The following CACNA1D variants were observed in gnomAD, a reference collection of about 807,000 sequenced individuals.
The protein encoded by CACNA1D is calcium voltage-gated channel subunit alpha1 D.
CACNA1D carries 55 observed loss-of-function variants against 257.1 expected under a neutral mutation model. The observed-to-expected ratio is 0.21, with a 90% CI of 0.17 to 0.27. The LOEUF (loss-of-function observed/expected upper bound fraction) is 0.27. Ranked by LOEUF, CACNA1D falls within the 10% of genes least tolerant of loss-of-function variation. CACNA1D has a pLI of 1.00. For synonymous variants in CACNA1D, 980 were observed against 1,014.9 expected, an observed-to-expected ratio of 0.97 and a Z score of 0.65; for missense variants, 1,876 against 2,784.0, an observed-to-expected ratio of 0.67 and a Z score of 7.34.
chr3:53,796,296 G>T (rs558174487), intron 40 of CACNA1D: 6 of 455,658 alleles, frequency 1.3e-5, no homozygotes, highest in Non-Finnish European at 2.2e-5. Flanking sequence ...TGCCAGGCAG[G>T]GTTCTTTGGC....
intron 3 of CACNA1D, among the ~76,000 whole-genome samples, chr3:53,647,831 G>T (rs958779621): frequency 1.3e-5 from 2 of 152,176 alleles, no homozygotes; most frequent in African/African-American, 4.8e-5. Flanking sequence ...GGCTGTGATT[G>T]TTCAGTTGGC....
chr3:53,636,607 C>A (rs527673385), intron 3 of CACNA1D, among the ~76,000 whole-genome samples: 4 of 152,136 alleles, frequency 2.6e-5, no homozygotes, highest in Non-Finnish European at 5.9e-5. Flanking sequence ...TGCGCCTGGC[C>A]GAAAACTATA....
rs116564435 is a variant in CACNA1D, at chr3:53,743,298, T to G, written c.2918+181T>G. On this transcript the variant is annotated intron_variant, in intron 22 of 47. Transcript: ENST00000350061. Reference sequence around the variant, plus strand: ...TTCATGTTTTCTTGTGTGTGTGTGTTTTTTTCTTTTTGTGCCTGCTGCTAA... The same window carrying G: ...TTCATGTTTTCTTGTGTGTGTGTGTGTTTTTCTTTTTGTGCCTGCTGCTAA... 5.0e-3 allele frequency among the ~76,000 whole-genome samples: 769 copies of G among 152,356 alleles called. 3 individuals carry two copies. Among genetic ancestry groups the G allele is most frequent in the Non-Finnish European group, 8.4e-3 (571 of 68,036 alleles).
At chr3:53,792,896 A>G (rs538283535) in intron 40 of CACNA1D, among the ~76,000 whole-genome samples, 1 of 152,336 alleles carries the variant, frequency 6.6e-6, no homozygotes, top group Non-Finnish European at 1.5e-5. Context: ...CCCCATGTGT[A>G]TAAGTGTGCA....
At chr3:53,515,616 G>A (rs145917800) in intron 3 of CACNA1D, among the ~76,000 whole-genome samples, 4 of 152,288 alleles carry the variant, frequency 2.6e-5, no homozygotes, top group African/African-American at 4.8e-5. Context: ...TGTGTTCCTC[G>A]TGTCATGGAG....
At chr3:53,749,660 A>G (rs367737560) in intron 27 of CACNA1D, among the ~76,000 whole-genome samples, 191 bp downstream of exon 27, 1 of 152,186 alleles carries the variant, frequency 6.6e-6, no homozygotes, top group South Asian at 2.1e-4. Context: ...CCCGATACAT[A>G]TGAGACTTTG....
intron 3 of CACNA1D, among the ~76,000 whole-genome samples, chr3:53,577,466 G>A (rs2093057499): frequency 6.6e-6 from 1 of 152,200 alleles, no homozygotes; most frequent in Admixed American, 6.5e-5. Flanking sequence ...AAAAGAGACA[G>A]CATTTTTCTA....
At chr3:53,561,695 C>T (rs2092742683) in intron 3 of CACNA1D, among the ~76,000 whole-genome samples, 2 of 152,142 alleles carry the variant, frequency 1.3e-5, no homozygotes, top group African/African-American at 2.4e-5. Context: ...TAGTGATAGC[C>T]TTATAAATTA....
Position 53,772,797 on chromosome 3 carries a change from C to T in CACNA1D, c.4045-36C>T, listed in dbSNP as rs548665679. 1.0e-5 allele frequency: 16 copies of T among 1,573,742 alleles called. No homozygotes were observed. In the Admixed American group the frequency reaches 1.3e-4, roughly 13 times the overall value. On this transcript the variant is annotated intron_variant, in intron 32 of 47. Coordinates refer to ENST00000350061, the MANE Select transcript of CACNA1D (RefSeq NM_001128840.3). ...TGTGGCGGGCCGTCACGGGGACAGC[C>T]GGCTGGTGCTGAGCCAAGTGCCTTT...
chr3:53,740,134 C>T (rs2095101565), intron 20 of CACNA1D, 146 bp from the exon 21 acceptor site: 1 of 742,424 alleles, frequency 1.3e-6, no homozygotes, highest in Non-Finnish European at 2.5e-6. Context: ...GGGCATTCAC[C>T]CGTGGCTCTG....
At chr3:53,571,744 G>A (rs573688741) in intron 3 of CACNA1D, among the ~76,000 whole-genome samples, 1 of 152,208 alleles carries the variant, frequency 6.6e-6, no homozygotes, top group Admixed American at 6.5e-5. Flanking sequence ...TTAGACCTCC[G>A]CAATTTGTGT....
At chr3:53,579,019 C>T (rs752185898) in intron 3 of CACNA1D, among the ~76,000 whole-genome samples, 3 of 152,178 alleles carry the variant, frequency 2.0e-5, no homozygotes, top group Non-Finnish European at 2.9e-5. Context: ...CCTCTGACAG[C>T]CTGTGGCCAG....
intron 37 of CACNA1D, among the ~76,000 whole-genome samples, chr3:53,778,791 A>G (rs1234596366): frequency 6.6e-6 from 1 of 152,226 alleles, no homozygotes; most frequent in Non-Finnish European, 1.5e-5. Context: ...AGTGGGGAGC[A>G]TGGATCCTGC....
chr3:53,507,248 G>A (rs1041973328), intron 3 of CACNA1D, among the ~76,000 whole-genome samples: 2 of 152,004 alleles, frequency 1.3e-5, no homozygotes, highest in South Asian at 2.1e-4. Flanking sequence ...TAAGCCTTAC[G>A]TCATTTTGAC....
intron 7 of CACNA1D, among the ~76,000 whole-genome samples, chr3:53,669,965 AT>A (rs1209742095): frequency 1.3e-5 from 2 of 152,094 alleles, no homozygotes; most frequent in Non-Finnish European, 2.9e-5. Context: ...CTTAGAGGAA[AT>A]TTTTTTTCCT....
chr3:53,616,897 G>A (rs370764529), intron 3 of CACNA1D, among the ~76,000 whole-genome samples: 26 of 152,190 alleles, frequency 1.7e-4, no homozygotes, highest in African/African-American at 5.5e-4. Context: ...GACACTGATG[G>A]TATGTCTCCC....
rs779607394 is a variant in CACNA1D at position 53,732,800 on chromosome 3, G to A, written c.2474-15G>A. On this transcript the variant is annotated splice_polypyrimidine_tract_variant and intron_variant, in intron 18 of 47. Coordinates refer to ENST00000350061, the MANE Select transcript of CACNA1D (RefSeq NM_001128840.3). ...TCTTTATTTCATGCCTATAAAAAAA[G>A]TATTTCATTTAAAGTAGGGGAAGAG... 1.2e-5 allele frequency: 20 copies of A among 1,609,836 alleles called. No individual in the cohort carries two copies. The highest frequency in any genetic ancestry group is 3.3e-5 in the South Asian group (3 of 90,994).
chr3:53,509,505 C>G (rs187550768), intron 3 of CACNA1D, among the ~76,000 whole-genome samples: 10 of 152,298 alleles, frequency 6.6e-5, no homozygotes, highest in African/African-American at 2.2e-4. Context: ...TTTCCTTCCT[C>G]CCTGTTAGGT....
At chr3:53,577,526 G>A (rs760679603) in intron 3 of CACNA1D, among the ~76,000 whole-genome samples, 1 of 152,124 alleles carries the variant, frequency 6.6e-6, no homozygotes, top group Non-Finnish European at 1.5e-5. Flanking sequence ...CTTGGCATGG[G>A]GCACAGTCTG....
Sources: allele counts gnomAD v4.1 joint callset (sites outside exome capture counted in the v4.1 genomes callset), GRCh38; gene constraint gnomAD v4.1.1; transcripts MANE v1.5; gene names NCBI Gene and HGNC (gene_info 2026-07-23, HGNC 2026-07-21).